Variants in PWWP2A observed in about 807,000 individuals in gnomAD.
The protein encoded by PWWP2A is PWWP domain containing 2A, also known as PWWP domain-containing protein 2A.
A neutral mutation model predicts 48.5 loss-of-function variants in PWWP2A; 18 were observed. That is an observed-to-expected ratio of 0.37 (90% confidence interval 0.26 to 0.55). PWWP2A has a LOEUF of 0.55. Among genes scored for constraint, PWWP2A ranks in the 20% least tolerant of loss-of-function variants. PWWP2A has a pLI of 0.81. For missense variants in PWWP2A, 867 were observed against 976.4 expected, an observed-to-expected ratio of 0.89 and a Z score of 1.49; for synonymous variants, 396 against 387.7, an observed-to-expected ratio of 1.02 and a Z score of -0.25.
chr5:160,091,966 ATATATG>A lies in PWWP2A; in HGVS notation c.*410_*415del. The A allele has an allele frequency of 1.1e-6, 1 of 870,926 alleles. No homozygotes were observed. Among genetic ancestry groups the A allele is most frequent in the Non-Finnish European group, 1.4e-6 (1 of 728,592 alleles). The allele number at this position is 870,926 out of a possible 1,614,324, so 53.9% of individuals were successfully genotyped here. A position where few individuals can be genotyped will look rare whatever the true frequency, so the allele number is the denominator to read the frequency against. On this transcript the variant is annotated 3_prime_UTR_variant, in exon 2 of 2. Transcript: ENST00000307063. ...CAGTGACAGGCTGTATTTCATATAT[ATATATG>A]TGTATATATACATATATATGTGTGT...
At chr5:160,088,294 G>A (rs1166614837), downstream of PWWP2A, among the ~76,000 whole-genome samples, 3 of 152,066 alleles carry the variant, frequency 2.0e-5, no homozygotes, top group Non-Finnish European at 2.9e-5. Flanking sequence ...TCCGCCTCCC[G>A]GGTTCAAGCA....
chr5:160,101,701 A>G (rs1372401188), intron 1 of PWWP2A, among the ~76,000 whole-genome samples: 1 of 151,686 alleles, frequency 6.6e-6, no homozygotes, highest in East Asian at 1.9e-4. Flanking sequence ...ATGTGCATCT[A>G]AGACAGGCAT....
intron 1 of PWWP2A, chr5:160,116,583 G>A (rs866072664): frequency 4.9e-5 from 35 of 715,696 alleles, no homozygotes; most frequent in Middle Eastern, 1.5e-3. Context: ...AGCACTGATA[G>A]CATGAGACCA....
intron 1 of PWWP2A, among the ~76,000 whole-genome samples, chr5:160,104,950 G>C (rs561733965): frequency 9.9e-5 from 15 of 151,816 alleles, no homozygotes; most frequent in Non-Finnish European, 1.5e-4. Flanking sequence ...TGTTTAGAAA[G>C]CATACTGGTG....
chr5:160,077,269 G>A lies in PWWP2A; in HGVS notation c.*886C>T, dbSNP rs533730801. 3.3e-5 allele frequency: 5 copies of A among 149,936 alleles called. No homozygotes were observed. Among genetic ancestry groups the A allele is most frequent in the Admixed American group, 6.6e-5 (1 of 15,138 alleles). 9.3% of individuals were successfully genotyped at this position (149,936 alleles called of 1,614,324 possible). A position where few individuals can be genotyped will look rare whatever the true frequency, so the allele number is the denominator to read the frequency against. On this transcript the variant is annotated 3_prime_UTR_variant, in exon 4 of 4. Transcript: ENST00000456329. This position sits in a 1 kb window ranked among gnomAD's most constrained non-coding sequence, Gnocchi z 4.2. ...GAGAGGTCCACATCAAAATTTAGAC[G>A]TTGTCACCTTTTTTGAACTAGATAA...
At chr5:160,080,823 C>A in intron 2 of PWWP2A, 1 of 1,459,584 alleles carries the variant, frequency 6.9e-7, no homozygotes, top group Non-Finnish European at 9.2e-7. Context: ...GTTTTTTAAT[C>A]CATCCATTTT....
chr5:160,076,175 A>C (rs575474463), exon 4 of PWWP2A: 1 of 152,230 alleles, frequency 6.6e-6, no homozygotes, highest in East Asian at 1.9e-4. Context: ...CTTTGAGAAT[A>C]TGCCATGAGA....
At chr5:160,117,337 C>T (rs935674622) in intron 1 of PWWP2A, among the ~76,000 whole-genome samples, 4 of 152,030 alleles carry the variant, frequency 2.6e-5, no homozygotes, top group African/African-American at 9.7e-5. Flanking sequence ...AGTGCAAATG[C>T]CCTAATCCAA....
the PWWP2A span, among the ~76,000 whole-genome samples, chr5:160,054,075 TTTTG>T: frequency 9.5e-3 from 1,441 of 152,022 alleles, 14 homozygotes; most frequent in Middle Eastern, 0.02. Context: ...GGTTGGTTGT[TTTTG>T]TTTGTTTGTT....
intron 2 of PWWP2A, among the ~76,000 whole-genome samples, chr5:160,083,609 TCTCCTAATAGGAC>T (rs1339895793): frequency 6.6e-6 from 1 of 152,206 alleles, no homozygotes; most frequent in Non-Finnish European, 1.5e-5. Context: ...TTTGTGAAGT[TCTCCTAATAGGAC>T]CTCCACTGCA....
At chr5:160,063,122 A>C (rs763564148) in intron 5 of PWWP2A, among the ~76,000 whole-genome samples, 1 of 152,214 alleles carries the variant, frequency 6.6e-6, no homozygotes, top group Non-Finnish European at 1.5e-5. Context: ...TTTTATCCAA[A>C]GATGGGTTGG....
intron 3 of PWWP2A, among the ~76,000 whole-genome samples, chr5:160,080,423 C>G (rs1274166304): frequency 6.6e-6 from 1 of 152,198 alleles, no homozygotes; most frequent in Non-Finnish European, 1.5e-5. Context: ...TTCACAGAAG[C>G]TCACAGGAGA....
intron 2 of PWWP2A, among the ~76,000 whole-genome samples, chr5:160,086,337 A>C (rs1478495281): frequency 1.3e-5 from 2 of 151,786 alleles, no homozygotes; most frequent in African/African-American, 4.8e-5. Context: ...TGGGCAACAT[A>C]GTGTGACCCT....
intron 1 of PWWP2A, among the ~76,000 whole-genome samples, chr5:160,096,480 C>A (rs1020751808): frequency 1.3e-5 from 2 of 152,124 alleles, no homozygotes; most frequent in Non-Finnish European, 2.9e-5. Flanking sequence ...TAATGCAGAA[C>A]CAACATAAAC....
At chr5:160,059,458 T>C (rs1310754438), downstream of PWWP2A, among the ~76,000 whole-genome samples, 2 of 152,274 alleles carry the variant, frequency 1.3e-5, no homozygotes, top group Non-Finnish European at 2.9e-5. Flanking sequence ...TCCAGACACC[T>C]AGAACTTTCT....
In PWWP2A at chr5:160,078,949, A is replaced by C. The variant is rs147789882; in HGVS notation, c.1670-781T>G. ...GCTAAATAGCATGACCAGAATGATCAACACTACTAACCTCCGTCTAATACT... is the reference window on the plus strand; with the variant it reads ...GCTAAATAGCATGACCAGAATGATCCACACTACTAACCTCCGTCTAATACT... On this transcript the variant is annotated intron_variant, in intron 3 of 3. Coordinates refer to the PWWP2A transcript ENST00000456329. This position sits in a 1 kb window ranked among gnomAD's most constrained non-coding sequence, Gnocchi z 4.2. Among the ~76,000 whole-genome samples, 2 of 152,284 alleles carry C rather than the reference A, an allele frequency of 1.3e-5. No homozygotes were observed. The highest frequency in any genetic ancestry group is 2.9e-5 in the Non-Finnish European group (2 of 68,018).
intron 1 of PWWP2A, among the ~76,000 whole-genome samples, chr5:160,109,774 A>AAAAAATATATATAT (rs1554104831): frequency 7.9e-5 from 2 of 25,226 alleles, no homozygotes; most frequent in African/African-American, 3.0e-4. Context: ...AAAAAAAAAA[A>AAAAAATATATATAT]ATATATATAT....
chr5:160,047,199 A>G, the PWWP2A span, among the ~76,000 whole-genome samples: 5 of 151,972 alleles, frequency 3.3e-5, no homozygotes, highest in Non-Finnish European at 4.4e-5. Flanking sequence ...TCCCACTGCA[A>G]AGTTCTTTCT....
At chr5:160,046,050 G>A in the PWWP2A span, among the ~76,000 whole-genome samples, 1 of 151,970 alleles carries the variant, frequency 6.6e-6, no homozygotes, top group Non-Finnish European at 1.5e-5. Flanking sequence ...TCAAGATTAG[G>A]GTTCTTTCAG....
Sources: allele counts gnomAD v4.1 joint callset (sites outside exome capture counted in the v4.1 genomes callset), GRCh38; gene constraint gnomAD v4.1.1; non-coding constraint Gnocchi (gnomAD v3.1); transcripts MANE v1.5; gene names NCBI Gene and HGNC (gene_info 2026-07-23, HGNC 2026-07-21).